The following ANO2 variants were observed in gnomAD, a reference collection of about 807,000 sequenced individuals.
ANO2 encodes the protein anoctamin-2.
Under a neutral mutation model 124.2 loss-of-function variants are expected in ANO2, and 101 were observed. That is an observed-to-expected ratio of 0.81 (90% confidence interval 0.69 to 0.96). ANO2 has a LOEUF of 0.96. Among genes scored for constraint, ANO2 ranks in the 40% least tolerant of loss-of-function variants. The pLI, the probability that ANO2 is intolerant of heterozygous loss-of-function variation, is 0.00. For synonymous variants in ANO2, 486 were observed against 482.5 expected (o/e 1.01, Z -0.09); for missense variants, 1,293 against 1,274.5 (o/e 1.01, Z -0.22).
intron 1 of ANO2, among the ~76,000 whole-genome samples, chr12:5,924,292 T>C (rs969660029): frequency 2.6e-5 from 4 of 152,224 alleles, no homozygotes; most frequent in Non-Finnish European, 5.9e-5. Context: ...AATCTCTTTA[T>C]GAAGACAGAG....
intron 14 of ANO2, among the ~76,000 whole-genome samples, chr12:5,668,629 T>C (rs1266733325): frequency 2.0e-5 from 3 of 152,252 alleles, no homozygotes; most frequent in Non-Finnish European, 2.9e-5. Context: ...CCCGTGCCTA[T>C]GTCCTGAACG....
chr12:5,785,668 C>T (rs1174648791), intron 10 of ANO2, among the ~76,000 whole-genome samples: 1 of 151,780 alleles, frequency 6.6e-6, no homozygotes, highest in Non-Finnish European at 1.5e-5. Flanking sequence ...CACACACACA[C>T]ACACACACAC....
chr12:5,635,472 C>A lies in ANO2; in HGVS notation c.1621-125G>T. The A allele has an allele frequency of 1.2e-6, 1 of 812,468 alleles. No individual in the cohort carries two copies. Among genetic ancestry groups the A allele is most frequent in the South Asian group, 3.5e-5 (1 of 28,924 alleles). The allele number at this position is 812,468 out of a possible 1,614,324, so 50.3% of individuals were successfully genotyped here. A position where few individuals can be genotyped will look rare whatever the true frequency, so the allele number is the denominator to read the frequency against. On this transcript the variant is annotated intron_variant, in intron 15 of 24. Transcript: ENST00000682330. This position sits in a 1 kb window ranked among gnomAD's most constrained non-coding sequence, Gnocchi z 5.2. Reference sequence around the variant, plus strand: ...TAATCTGGAATCTTTTGTTGGGTAACAAGGGATTCCAGATATTATTAGTCT... The same window carrying A: ...TAATCTGGAATCTTTTGTTGGGTAAAAAGGGATTCCAGATATTATTAGTCT...
chr12:5,937,335 C>A (rs12322386), intron 1 of ANO2, among the ~76,000 whole-genome samples: 14,810 of 152,176 alleles, frequency 0.097, 1,147 homozygotes, highest in African/African-American at 0.21. Context: ...TTTTCATATA[C>A]CTGTTGGCCA....
intron 23 of ANO2, among the ~76,000 whole-genome samples, chr12:5,571,164 C>T (rs1414050114): frequency 6.6e-6 from 1 of 152,204 alleles, no homozygotes; most frequent in Non-Finnish European, 1.5e-5. Context: ...GTTGACAATG[C>T]CCAGGTAGGC....
intron 14 of ANO2, among the ~76,000 whole-genome samples, chr12:5,698,119 T>C (rs1453793375): frequency 6.6e-6 from 1 of 152,178 alleles, no homozygotes; most frequent in Non-Finnish European, 1.5e-5. Context: ...AACACAGAGT[T>C]TGAGATCTGA....
intron 10 of ANO2, among the ~76,000 whole-genome samples, chr12:5,782,248 T>C (rs546474104): frequency 6.6e-6 from 1 of 152,340 alleles, no homozygotes; most frequent in African/African-American, 2.4e-5. Context: ...GATATTAATA[T>C]AGCCACTTCA....
chr12:5,585,746 C>T (rs1943080394), intron 20 of ANO2, among the ~76,000 whole-genome samples: 1 of 152,126 alleles, frequency 6.6e-6, no homozygotes, highest in Non-Finnish European at 1.5e-5. Context: ...TAATGTAGTG[C>T]GTGAGTTCGA....
chr12:5,583,546 G>A (rs949584961), intron 20 of ANO2, among the ~76,000 whole-genome samples: 14 of 149,454 alleles, frequency 9.4e-5, no homozygotes, highest in African/African-American at 2.7e-4. Context: ...CCAGCTACTC[G>A]GGAGGCTGAG....
intron 7 of ANO2, among the ~76,000 whole-genome samples, chr12:5,822,026 C>T (rs1210491718): frequency 6.6e-6 from 1 of 152,164 alleles, no homozygotes; most frequent in African/African-American, 2.4e-5. Flanking sequence ...TGGGTCTGCA[C>T]AATACGCAGG....
At chr12:5,745,401 C>T (rs1319974997) in intron 11 of ANO2, among the ~76,000 whole-genome samples, 1 of 152,132 alleles carries the variant, frequency 6.6e-6, no homozygotes, top group African/African-American at 2.4e-5. Context: ...GATGGGGAGG[C>T]AGGGGATCCA....
chr12:5,780,292 G>A (rs1324769667), intron 10 of ANO2, among the ~76,000 whole-genome samples: 2 of 152,132 alleles, frequency 1.3e-5, no homozygotes, highest in African/African-American at 2.4e-5. Context: ...GCTGATAATA[G>A]GGAGTTCTTT....
At chr12:5,606,218 A>G (rs963092059) in intron 19 of ANO2, among the ~76,000 whole-genome samples, 1 of 152,194 alleles carries the variant, frequency 6.6e-6, no homozygotes, top group Admixed American at 6.5e-5. Context: ...CCAGAAGTAG[A>G]GGTGGCAGTT....
intron 14 of ANO2, among the ~76,000 whole-genome samples, chr12:5,725,937 G>C (rs1007404809): frequency 6.6e-6 from 1 of 152,138 alleles, no homozygotes; most frequent in African/African-American, 2.4e-5. Context: ...AAAGTGCTGA[G>C]TGAATGGTTA....
intron 14 of ANO2, among the ~76,000 whole-genome samples, chr12:5,715,749 G>A (rs540208974): frequency 1.3e-5 from 2 of 152,202 alleles, no homozygotes; most frequent in Non-Finnish European, 2.9e-5. Flanking sequence ...TGTAATTCCT[G>A]CAGACAGCAC....
Position 5,649,790 on chromosome 12 carries a change from A to ATGTG in ANO2, c.1546-1993_1546-1990dup, listed in dbSNP as rs5796179. 1.3e-4 allele frequency among the ~76,000 whole-genome samples: 20 copies of ATGTG among 149,472 alleles called. No homozygotes were observed. The East Asian group carries it at 2.8e-3, about 21-fold the overall frequency. On this transcript the variant is annotated intron_variant, in intron 14 of 24. Coordinates refer to ENST00000682330, the MANE Select transcript of ANO2 (RefSeq NM_001364791.2). ...CCCAGCTAAGTTTGTGCATGTGTGC[A>ATGTG]TGTGTGTGTGTGTGTGTGTGTGTGT... is the stretch of plus-strand genomic sequence containing the variant.
At chr12:5,686,534 A>G (rs1019406240) in intron 14 of ANO2, among the ~76,000 whole-genome samples, 2 of 152,222 alleles carry the variant, frequency 1.3e-5, no homozygotes, top group Non-Finnish European at 2.9e-5. Context: ...CACTCATCAT[A>G]AAATAGAGGT....
chr12:5,870,904 A>G (rs12310260), intron 3 of ANO2, among the ~76,000 whole-genome samples: 4,549 of 152,344 alleles, frequency 0.03, 235 homozygotes, highest in African/African-American at 0.1. Flanking sequence ...GGGCACTACC[A>G]TGGAGAAGAT....
At chr12:5,801,953 G>A (rs1953054222) in intron 9 of ANO2, among the ~76,000 whole-genome samples, 1 of 152,150 alleles carries the variant, frequency 6.6e-6, no homozygotes, top group Non-Finnish European at 1.5e-5. Context: ...TGCCCAAAGG[G>A]AGATATGCTT....
Sources: allele counts gnomAD v4.1 joint callset (sites outside exome capture counted in the v4.1 genomes callset), GRCh38; gene constraint gnomAD v4.1.1; non-coding constraint Gnocchi (gnomAD v3.1); transcripts MANE v1.5; gene names NCBI Gene and HGNC (gene_info 2026-07-23, HGNC 2026-07-21).